The following RUNX1 variants were observed in gnomAD, a reference collection of about 807,000 sequenced individuals.
RUNX1 encodes the protein runt-related transcription factor 1.
In RUNX1, 19 loss-of-function variants were observed where a neutral mutation model predicts 42.8. That is an observed-to-expected ratio of 0.44 (90% CI 0.31 to 0.65). The LOEUF is 0.65. Ranked by LOEUF, RUNX1 falls within the 30% of genes least tolerant of loss-of-function variation. The pLI is 0.07. For synonymous variants in RUNX1, 271 were observed against 289.4 expected, an observed-to-expected ratio of 0.94 and a Z score of 0.64; for missense variants, 528 against 672.0, an observed-to-expected ratio of 0.79 and a Z score of 2.37.
At chr21:34,945,996 G>C (rs895061354) in intron 2 of RUNX1, among the ~76,000 whole-genome samples, 6 of 152,238 alleles carry the variant, frequency 3.9e-5, no homozygotes, top group Admixed American at 2.6e-4. Context: ...TTCCAGGTTT[G>C]GATGCGTTCT....
At chr21:34,823,072 C>T (rs1017236288) in intron 7 of RUNX1, among the ~76,000 whole-genome samples, 21 of 152,148 alleles carry the variant, frequency 1.4e-4, no homozygotes, top group African/African-American at 4.8e-4. Flanking sequence ...CACATAAAGC[C>T]GTAAGGTAAA....
rs562381907 is a variant in RUNX1 at position 34,872,780 on chromosome 21, A to C, written c.508+7777T>G. Among the ~76,000 whole-genome samples the C allele has an allele frequency of 3.9e-5, 6 of 152,282 alleles. No individual in the cohort carries two copies. In the South Asian group the frequency reaches 1.2e-3, roughly 32 times the overall value. On this transcript the variant is annotated intron_variant, in intron 5 of 8. Transcript: ENST00000675419. ...AGGTTCATGGTAGGACGTTTAGTAG[A>C]TCCCTGGCCTCTACTTACTAGATGC...
At chr21:34,903,210 A>G (rs926723372) in intron 2 of RUNX1, among the ~76,000 whole-genome samples, 3 of 152,304 alleles carry the variant, frequency 2.0e-5, no homozygotes, top group Non-Finnish European at 4.4e-5. Flanking sequence ...TATTATTATA[A>G]TCACTAAAAA....
intron 2 of RUNX1, among the ~76,000 whole-genome samples, chr21:34,953,140 TA>T (rs970611924): frequency 2.0e-5 from 3 of 150,330 alleles, no homozygotes; most frequent in South Asian, 2.1e-4. Flanking sequence ...TTTTTTTTTT[TA>T]AATCTACGTT....
chr21:34,931,404 G>A (rs541280980), intron 2 of RUNX1, among the ~76,000 whole-genome samples: 7 of 140,498 alleles, frequency 5.0e-5, no homozygotes, highest in South Asian at 4.3e-4. Flanking sequence ...ATATATACAC[G>A]TGTATATATT....
rs536376739 is a variant in RUNX1, at chr21:34,901,518, A to AAAT, written c.59-8558_59-8556dup. Among the ~76,000 whole-genome samples, 607 of 151,856 alleles carry AAAT rather than the reference A, an allele frequency of 4.0e-3. 4 individuals carry two copies. Among genetic ancestry groups the AAAT allele is most frequent in the South Asian group, 5.6e-3 (27 of 4,796 alleles). The stretch of plus-strand genomic sequence containing the variant: ...ACAGAGCCAGATCCGTCTCAAAAAT[A>AAAT]AATAATAATAATAATAATAACAATA... On this transcript the variant is annotated intron_variant, in intron 2 of 8. Transcript: ENST00000675419. The surrounding 1 kb of genome is among the most constrained non-coding windows in gnomAD (Gnocchi z 4.3).
At chr21:35,047,514 AACACACACACACACACAC>A (rs145398828) in intron 2 of RUNX1, among the ~76,000 whole-genome samples, 7 of 70,636 alleles carry the variant, frequency 9.9e-5, no homozygotes, top group Admixed American at 1.8e-4. Context: ...TGCCATCTCC[AACACACACACACACACAC>A]ACACACACAC....
At chr21:35,017,099 T>C (rs945362689) in intron 2 of RUNX1, among the ~76,000 whole-genome samples, 1 of 152,100 alleles carries the variant, frequency 6.6e-6, no homozygotes, top group Admixed American at 6.6e-5. Context: ...ACTTGTGATT[T>C]AGGAGGTATG....
At chr21:34,994,164 T>C (rs1271493255) in intron 2 of RUNX1, among the ~76,000 whole-genome samples, 1 of 152,078 alleles carries the variant, frequency 6.6e-6, no homozygotes, top group African/African-American at 2.4e-5. Context: ...ATTGGATCAT[T>C]TAACAGTACC....
rs532590806 is a variant in RUNX1, at chr21:34,940,647, T to A, written c.59-47684A>T. Among the ~76,000 whole-genome samples, 14 of 152,356 alleles carry A rather than the reference T, an allele frequency of 9.2e-5. 1 individual carries two copies. The South Asian group carries it at 2.7e-3, about 29-fold the overall frequency. On this transcript the variant is annotated intron_variant, in intron 2 of 8. Coordinates refer to ENST00000675419, the MANE Select transcript of RUNX1 (RefSeq NM_001754.5). ...AGAAACAAGATCAGCTACATTGAGT[T>A]TTATTCTAGGAGCAAAAGGCTTGTA...
At chr21:34,910,407 T>C (rs2058262892) in intron 2 of RUNX1, among the ~76,000 whole-genome samples, 1 of 101,638 alleles carries the variant, frequency 9.8e-6, no homozygotes, top group South Asian at 4.1e-4. Context: ...TGGTACAGAA[T>C]TCATTTTGGC....
intron 2 of RUNX1, among the ~76,000 whole-genome samples, chr21:34,926,485 AGAC>A (rs2058395116): frequency 1.6e-5 from 2 of 124,750 alleles, no homozygotes; most frequent in Non-Finnish European, 3.5e-5. Context: ...AAAAAAAAAA[AGAC>A]AGCACATATT....
At chr21:34,989,182 T>C (rs1396230283) in intron 2 of RUNX1, among the ~76,000 whole-genome samples, 2 of 152,142 alleles carry the variant, frequency 1.3e-5, no homozygotes, top group African/African-American at 4.8e-5. Context: ...CTAATTTTTG[T>C]ATTTTTAGTA....
chr21:34,979,208 GAGAA>G (rs1402666375), intron 2 of RUNX1, among the ~76,000 whole-genome samples: 1 of 152,190 alleles, frequency 6.6e-6, no homozygotes, highest in Non-Finnish European at 1.5e-5. Flanking sequence ...CCCGGAATAA[GAGAA>G]AGAGTCTTTT....
chr21:34,874,320 A>G (rs532488294), intron 5 of RUNX1, among the ~76,000 whole-genome samples: 23 of 152,168 alleles, frequency 1.5e-4, no homozygotes, highest in Admixed American at 5.2e-4. Flanking sequence ...GCCTTAAGAC[A>G]GTACACCGGC....
intron 7 of RUNX1, among the ~76,000 whole-genome samples, chr21:34,830,606 G>A (rs948994580): frequency 2.6e-5 from 4 of 152,152 alleles, no homozygotes; most frequent in Non-Finnish European, 4.4e-5. Context: ...CCCAGGGAAC[G>A]GCCATCCCAC....
intron 2 of RUNX1, among the ~76,000 whole-genome samples, chr21:34,969,887 T>C (rs2058749846): frequency 2.0e-5 from 3 of 152,142 alleles, no homozygotes; most frequent in Non-Finnish European, 4.4e-5. Flanking sequence ...AAATTGATCA[T>C]CTTGAGGATT....
At chr21:34,827,036 GTGATTACTTAAGTGTA>G (rs1462863523) in intron 7 of RUNX1, among the ~76,000 whole-genome samples, 1 of 152,210 alleles carries the variant, frequency 6.6e-6, no homozygotes, top group Non-Finnish European at 1.5e-5. Context: ...GATTACTTAA[GTGATTACTTAAGTGTA>G]TGTGACCAGA....
intron 5 of RUNX1, among the ~76,000 whole-genome samples, chr21:34,863,302 C>T (rs1018413413): frequency 6.6e-6 from 1 of 152,216 alleles, no homozygotes; most frequent in African/African-American, 2.4e-5. Context: ...ACTTTATCCA[C>T]ACCTACCACT....
Sources: allele counts gnomAD v4.1 joint callset (sites outside exome capture counted in the v4.1 genomes callset), GRCh38; gene constraint gnomAD v4.1.1; non-coding constraint Gnocchi (gnomAD v3.1); transcripts MANE v1.5; gene names NCBI Gene and HGNC (gene_info 2026-07-23, HGNC 2026-07-21).